TTLL4: variants seen among roughly 807,000 people sequenced by gnomAD.
TTLL4 encodes the protein tubulin monoglutamylase TTLL4.
TTLL4 carries 85 observed loss-of-function variants against 122.7 expected under a neutral mutation model. The observed-to-expected ratio is 0.69, with a 90% CI of 0.58 to 0.83. The LOEUF is 0.83. Ranked by LOEUF, TTLL4 falls within the 40% of genes least tolerant of loss-of-function variation. The probability of loss-of-function intolerance (pLI) is 0.00; values close to 1 mark genes in which losing one functional copy is unlikely to be tolerated. For synonymous variants in TTLL4, 553 were observed against 563.0 expected (o/e 0.98, Z 0.25); for missense variants, 1,363 against 1,488.6 (o/e 0.92, Z 1.39).
In TTLL4 at chr2:218,737,861, C is replaced by G; in HGVS notation, c.185C>G (p.Thr62Arg). ...IWKLEKKQVE[T>R]LSAGLGPGLL... ...AAGCTGGAAAAGAAGCAAGTGGAGA[C>G]ACTGTCAGCAGGGTTGGGCCCAGGC... Residue 62 changes from threonine to arginine, a missense_variant, in exon 3 of 20, where the codon ACA (threonine) becomes AGA (arginine). By Grantham distance (71) the Thr-to-Arg change is moderately conservative (BLOSUM62 -1). This residue lies in a region of TTLL4 where 760 missense variants were observed against 808.4 expected (regional missense o/e 0.94). Coordinates refer to ENST00000392102, the MANE Select transcript of TTLL4 (RefSeq NM_014640.5). 6.2e-7 allele frequency: 1 copy of G among 1,614,240 alleles called. No homozygotes were observed. The highest frequency in any genetic ancestry group is 8.5e-7 in the Non-Finnish European group (1 of 1,180,044).
chr2:218,737,760 A>G lies in TTLL4; in HGVS notation c.84A>G (p.Val28=). Residue 28 remains valine (V), a synonymous_variant, in exon 3 of 20, where the codon GTA becomes GTG. Transcript: ENST00000392102. Reference sequence around the variant, plus strand: ...AGCAGAGTGGTCCCTCAGGCACAGTACCTGCCACGCCACCTGAGAAACCCT... The same window carrying G: ...AGCAGAGTGGTCCCTCAGGCACAGTGCCTGCCACGCCACCTGAGAAACCCT... ...SFKQSGPSGT[V]PATPPEKPSE... The G allele has an allele frequency of 6.2e-7, 1 of 1,613,966 alleles. No homozygotes were observed. Among genetic ancestry groups the G allele is most frequent in the Non-Finnish European group, 8.5e-7 (1 of 1,179,840 alleles).
In TTLL4 at chr2:218,750,298, C is replaced by G. The variant is rs1320961287; in HGVS notation, c.2873+152C>G. 55 of 1,071,190 alleles carry G rather than the reference C, an allele frequency of 5.1e-5. No homozygotes were observed. In the Admixed American group the frequency reaches 1.6e-3, roughly 31 times the overall value. The allele number at this position is 1,071,190 out of a possible 1,614,324, so 66.4% of individuals were successfully genotyped here. A position where few individuals can be genotyped will look rare whatever the true frequency, so the allele number is the denominator to read the frequency against. ...AGTCCACTAACATGCTACCATGCCA[C>G]ATCAGTGACTCTCAAGTATGTTCAG... On this transcript the variant is annotated intron_variant, in intron 15 of 19. Coordinates refer to ENST00000392102, the MANE Select transcript of TTLL4 (RefSeq NM_014640.5).
chr2:218,713,620 ATTCT>A (rs1422073857), intron 1 of TTLL4, among the ~76,000 whole-genome samples: 1 of 152,202 alleles, frequency 6.6e-6, no homozygotes, highest in African/African-American at 2.4e-5. Context: ...AGTTTTAAAA[ATTCT>A]TTCAGGGATA....
chr2:218,729,760 A>AC (rs765878772), intron 2 of TTLL4, among the ~76,000 whole-genome samples: 9,321 of 73,710 alleles, frequency 0.13, 460 homozygotes, highest in Non-Finnish European at 0.18. Context: ...AAAAAAAAAA[A>AC]AACAAAAAAA....
intron 15 of TTLL4, among the ~76,000 whole-genome samples, chr2:218,750,922 G>A (rs1942998749): frequency 6.6e-6 from 1 of 152,062 alleles, no homozygotes; most frequent in South Asian, 2.1e-4. Context: ...TAGAGAGGAG[G>A]GAGTTTATAT....
chr2:218,748,304 G>A lies in TTLL4; in HGVS notation c.2501+77G>A, dbSNP rs532983737. The A allele has an allele frequency of 1.1e-4, 168 of 1,578,770 alleles. No homozygotes were observed. The African/African-American group carries it at 2.0e-3, about 19-fold the overall frequency. ...TTCTGGGGTTTTGGGAGGTTCAGGG[G>A]CATGGCGAGTGGAGGATTAATATAA... On this transcript the variant is annotated intron_variant, in intron 12 of 19. Transcript: ENST00000392102.
At chr2:218,732,121 GACTTAGTA>G (rs1437181022) in intron 2 of TTLL4, among the ~76,000 whole-genome samples, 1 of 152,184 alleles carries the variant, frequency 6.6e-6, no homozygotes, top group Non-Finnish European at 1.5e-5. Context: ...AGATCCTTTG[GACTTAGTA>G]ACAGAGAGTA....
In TTLL4 at chr2:218,747,519, C is replaced by T; in HGVS notation, c.2250-78C>T. ...AGGTCTTTATCTTGGGGACTGTTAGCTGGCTTTTCCTGTGGCTTGGTTACC... is the reference window on the plus strand; with the variant it reads ...AGGTCTTTATCTTGGGGACTGTTAGTTGGCTTTTCCTGTGGCTTGGTTACC... On this transcript the variant is annotated intron_variant, in intron 10 of 19. Transcript: ENST00000392102. This position sits in a 1 kb window ranked among gnomAD's most constrained non-coding sequence, Gnocchi z 4.7. 6.3e-7 allele frequency: 1 copy of T among 1,586,598 alleles called. No individual in the cohort carries two copies. Among genetic ancestry groups the T allele is most frequent in the Non-Finnish European group, 8.6e-7 (1 of 1,165,354 alleles).
At chr2:218,732,822 T>G (rs930910207) in intron 2 of TTLL4, among the ~76,000 whole-genome samples, 1 of 152,190 alleles carries the variant, frequency 6.6e-6, no homozygotes, top group African/African-American at 2.4e-5. Context: ...GAGGTTTTGA[T>G]CTCATCAGGA....
In TTLL4 at chr2:218,738,784, T is replaced by A. The variant is rs1306276561; in HGVS notation, c.1108T>A (p.Trp370Arg). 1 of 1,614,020 alleles carries A rather than the reference T, an allele frequency of 6.2e-7. No homozygotes were observed. Among genetic ancestry groups the A allele is most frequent in the Non-Finnish European group, 8.5e-7 (1 of 1,180,028 alleles). ...TAGTTTCCTGAACCCCAGCTTCCAG[T>A]GGAATGTCCTCAACAGGAGCAGGCG... ...QSSFLNPSFQ[W>R]NVLNRSRRWK... The change falls in exon 3 of 20, where the codon TGG becomes AGG. Residue 370 changes from tryptophan to arginine, a missense_variant. Physicochemically the swap from Trp to Arg is moderately radical, Grantham distance 101 (BLOSUM62 -3). Transcript: ENST00000392102.
Position 218,739,078 on chromosome 2 carries a change from C to T in TTLL4, c.1402C>T (p.Arg468Cys), listed in dbSNP as rs774276539. The change falls in exon 3 of 20, where the codon CGC (arginine) becomes TGC (cysteine). Residue 468 changes from arginine (R) to cysteine (C), a missense_variant. Arg to Cys is a radical substitution (Grantham distance 180). Coordinates refer to ENST00000392102, the MANE Select transcript of TTLL4 (RefSeq NM_014640.5). ...TCTTGGCATAGCCAACGTGGCCACCCGCCTCTCTTCCATCCAGCTGGGCCA... is the reference window on the plus strand; with the variant it reads ...TCTTGGCATAGCCAACGTGGCCACCTGCCTCTCTTCCATCCAGCTGGGCCA... ...QTLGIANVAT[R>C]LSSIQLGQSE... 7.8e-5 allele frequency: 126 copies of T among 1,614,006 alleles called. No homozygotes were observed. The highest frequency in any genetic ancestry group is 9.9e-5 in the Non-Finnish European group (117 of 1,180,050).
At position 218,752,959 on chromosome 2, in the gene TTLL4, G is replaced by A. The variant is rs1943063411; in HGVS notation, c.3173G>A (p.Gly1058Asp). The A allele has an allele frequency of 6.2e-7, 1 of 1,614,034 alleles. No homozygotes were observed. Among genetic ancestry groups the A allele is most frequent in the Admixed American group, 1.7e-5 (1 of 59,994 alleles). The change falls in exon 17 of 20, where the codon GGC becomes GAC. Residue 1058 changes from glycine to aspartate, a missense_variant. By Grantham distance (94) the Gly-to-Asp change is moderately conservative. Transcript: ENST00000392102. ...ACCCAATGGGAACAGAAATACCATG[G>A]CAACAAGCTTAAAGGTGATGTGCCC... is the stretch of plus-strand genomic sequence containing the variant. ...LTTQWEQKYH[G>D]NKLKGVDLLR...
chr2:218,730,511 G>GTAAA (rs765944381), intron 2 of TTLL4, among the ~76,000 whole-genome samples: 145 of 150,880 alleles, frequency 9.6e-4, no homozygotes, highest in Admixed American at 1.8e-3. Context: ...CTGTCTCAAA[G>GTAAA]TAAATAAATA....
chr2:218,720,567 G>A (rs1167254417), intron 1 of TTLL4, among the ~76,000 whole-genome samples: 3 of 151,786 alleles, frequency 2.0e-5, no homozygotes, highest in African/African-American at 7.3e-5. Context: ...CCGGCTATTC[G>A]GGAGGCTGAG....
chr2:218,729,022 T>C (rs941922718), intron 2 of TTLL4, among the ~76,000 whole-genome samples: 18 of 143,014 alleles, frequency 1.3e-4, no homozygotes, highest in African/African-American at 4.4e-4. Flanking sequence ...AGCCTCCACC[T>C]CCCAGGTTCA....
rs771622464 is a variant in TTLL4, at chr2:218,729,748, T to TAAA, written c.-99+2413_-99+2415dup. On this transcript the variant is annotated intron_variant, in intron 2 of 19. Coordinates refer to ENST00000392102, the MANE Select transcript of TTLL4 (RefSeq NM_014640.5). ...TAGGATTTTCTTTTCTCTCTCTTTT[T>TAAA]AAAAAAAAAAAAAACAAAAAAAAAA... Among the ~76,000 whole-genome samples the TAAA allele has an allele frequency of 7.5e-3, 589 of 78,584 alleles. 20 individuals carry two copies. The highest frequency in any genetic ancestry group is 0.027 in the African/African-American group (522 of 19,286). 51.6% of individuals were successfully genotyped at this position (78,584 alleles called of 152,430 possible).
intron 2 of TTLL4, among the ~76,000 whole-genome samples, chr2:218,736,850 T>G (rs1361072883): frequency 2.6e-5 from 1 of 38,928 alleles, no homozygotes; most frequent in Non-Finnish European, 5.6e-5. Context: ...TCAGATCGTC[T>G]TTTTTTTTTT....
At chr2:218,753,751 C>A in intron 19 of TTLL4, 82 bp downstream of exon 19, 1 of 1,452,052 alleles carries the variant, frequency 6.9e-7, no homozygotes, top group Non-Finnish European at 9.6e-7. Context: ...CAGACTGTGG[C>A]AGTGAGATCA....
chr2:218,713,807 A>G (rs1941782464), intron 1 of TTLL4, among the ~76,000 whole-genome samples: 1 of 152,216 alleles, frequency 6.6e-6, no homozygotes, highest in African/African-American at 2.4e-5. Flanking sequence ...ATAGTGGCCT[A>G]GGCTAGAGAT....
Sources: gnomAD v4.1 joint callset for allele counts (sites outside exome capture counted in the v4.1 genomes callset) on GRCh38, gnomAD v4.1.1 for gene constraint, gnomAD v4.1.1 regional missense constraint, Gnocchi (gnomAD v3.1) non-coding constraint, MANE v1.5 for transcripts, NCBI Gene and HGNC (gene_info 2026-07-23, HGNC 2026-07-21) for gene names.